The following FRYL variants were observed in gnomAD, a reference collection of about 807,000 sequenced individuals.
FRYL encodes the protein protein furry homolog-like.
Under a neutral mutation model 351.2 loss-of-function variants are expected in FRYL, and 150 were observed. The ratio of observed to expected loss-of-function variants is 0.43; its 90% CI spans 0.37 to 0.49. The LOEUF (loss-of-function observed/expected upper bound fraction) is 0.49. Among genes scored for constraint, FRYL ranks in the 20% least tolerant of loss-of-function variants. The pLI, the probability that FRYL is intolerant of heterozygous loss-of-function variation, is 0.00. For synonymous variants in FRYL, 1,153 were observed against 1,257.1 expected, an observed-to-expected ratio of 0.92 and a Z score of 1.75; for missense variants, 3,036 against 3,619.3, an observed-to-expected ratio of 0.84 and a Z score of 4.13.
intron 3 of FRYL, among the ~76,000 whole-genome samples, chr4:48,648,965 T>C (rs1325512779): frequency 2.0e-5 from 3 of 152,228 alleles, no homozygotes; most frequent in East Asian, 1.9e-4. Flanking sequence ...TTTTATAGTA[T>C]GTGAATCTCA....
rs998081651 is a variant in FRYL, at chr4:48,561,747, G to A, written c.3697-111C>T. Reference sequence around the variant, plus strand: ...CTCTTCTCCCCAGCTGAGTGGAGTGGCTTATGCCTGTAATCTCAATACTTT... The same window carrying A: ...CTCTTCTCCCCAGCTGAGTGGAGTGACTTATGCCTGTAATCTCAATACTTT... On this transcript the variant is annotated intron_variant, in intron 32 of 63. Coordinates refer to ENST00000358350, the MANE Select transcript of FRYL (RefSeq NM_015030.2). The A allele has an allele frequency of 1.1e-5, 8 of 756,876 alleles. No individual in the cohort carries two copies. The African/African-American group carries it at 1.1e-4, about 10-fold the overall frequency. The allele number at this position is 756,876 out of a possible 1,614,324, so 46.9% of individuals were successfully genotyped here.
intron 3 of FRYL, among the ~76,000 whole-genome samples, chr4:48,668,430 G>C (rs183577228): frequency 4.0e-5 from 6 of 151,624 alleles, no homozygotes; most frequent in Admixed American, 3.9e-4. Flanking sequence ...GACTGGTTTT[G>C]CCTAGGGAAC....
At chr4:48,728,486 C>T (rs1770333797) in intron 1 of FRYL, among the ~76,000 whole-genome samples, 1 of 151,650 alleles carries the variant, frequency 6.6e-6, no homozygotes, top group South Asian at 2.1e-4. Context: ...TGAGAATTTC[C>T]CCCAAATTAA....
chr4:48,575,169 T>C lies in FRYL; in HGVS notation c.2794A>G (p.Ile932Val), dbSNP rs770503368. The change falls in exon 25 of 64, where the codon ATC becomes GTC. Residue 932 changes from isoleucine (I) to valine (V), a missense_variant. By Grantham distance (29) the Ile-to-Val change is conservative (BLOSUM62 3). Around this residue, in one of 7 missense-constraint regions of FRYL, gnomAD observed 492 missense variants for 551.5 expected, o/e 0.89. Transcript: ENST00000358350. ...AGACCTAGAACAAGGGATTCTGTGATTTCCATGCTCTCAGAACGCATCATT... is the reference window on the plus strand; with the variant it reads ...AGACCTAGAACAAGGGATTCTGTGACTTCCATGCTCTCAGAACGCATCATT... ...VPMMRSESMEITESLVLGLGR... is the reference protein window; with the variant it reads ...VPMMRSESMEVTESLVLGLGR... 1.4e-5 allele frequency: 23 copies of C among 1,613,804 alleles called. No homozygotes were observed. The South Asian group carries it at 1.5e-4, about 11-fold the overall frequency.
chr4:48,652,782 T>C (rs1757987766), intron 3 of FRYL, among the ~76,000 whole-genome samples: 1 of 152,152 alleles, frequency 6.6e-6, no homozygotes, highest in South Asian at 2.1e-4. Flanking sequence ...CCTGGAAAAA[T>C]GTAAATTTAA....
chr4:48,666,750 T>G (rs1205317499), intron 3 of FRYL, among the ~76,000 whole-genome samples: 1 of 151,164 alleles, frequency 6.6e-6, no homozygotes, highest in East Asian at 2.1e-4. Flanking sequence ...CGTTTCATAG[T>G]TTTTTTTTAA....
intron 60 of FRYL, among the ~76,000 whole-genome samples, chr4:48,503,507 A>T (rs1179531253): frequency 6.6e-6 from 1 of 152,226 alleles, no homozygotes; most frequent in Non-Finnish European, 1.5e-5. Flanking sequence ...AACATAATGT[A>T]TGTAAAACAC....
chr4:48,667,823 T>G (rs1481407008), intron 3 of FRYL, among the ~76,000 whole-genome samples: 4 of 152,200 alleles, frequency 2.6e-5, no homozygotes, highest in Admixed American at 2.6e-4. Flanking sequence ...AATTTTTATA[T>G]TTTTAGTAGA....
chr4:48,755,380 T>C (rs1773668061), intron 1 of FRYL, among the ~76,000 whole-genome samples: 1 of 152,184 alleles, frequency 6.6e-6, no homozygotes, highest in African/African-American at 2.4e-5. Flanking sequence ...TTACAAAAAA[T>C]AGACAGTGAA....
intron 3 of FRYL, among the ~76,000 whole-genome samples, chr4:48,671,871 A>AAAAAAAT (rs1762789391): frequency 1.9e-5 from 1 of 52,556 alleles, no homozygotes; most frequent in African/African-American, 6.1e-5. Context: ...AAAAAAAAAA[A>AAAAAAAT]ACAAAAAAAA....
Position 48,720,210 on chromosome 4 carries a change from C to T in FRYL, c.-383-9512G>A, listed in dbSNP as rs577192045. Among the ~76,000 whole-genome samples, 79 of 141,694 alleles carry T rather than the reference C, an allele frequency of 5.6e-4. 1 individual carries two copies. Among genetic ancestry groups the T allele is most frequent in the Admixed American group, 1.7e-3 (23 of 13,634 alleles). The allele number at this position is 141,694 out of a possible 152,430, so 93.0% of individuals were successfully genotyped here. ...ACCATCTTAACCATTTTAAAATGTA[C>T]ATTAAGGCTGGGCATGGCGGCTCAT... On this transcript the variant is annotated intron_variant, in intron 1 of 63. Coordinates refer to ENST00000358350, the MANE Select transcript of FRYL (RefSeq NM_015030.2).
At chr4:48,725,048 C>T (rs1202077743) in intron 1 of FRYL, among the ~76,000 whole-genome samples, 1 of 152,152 alleles carries the variant, frequency 6.6e-6, no homozygotes, top group East Asian at 1.9e-4. Flanking sequence ...TTCCATTATC[C>T]CTCAAGATGA....
At chr4:48,501,541 A>C (rs1293367436) in intron 62 of FRYL, 82 bp downstream of exon 62, 7 of 787,448 alleles carry the variant, frequency 8.9e-6, no homozygotes, top group African/African-American at 8.8e-5. Flanking sequence ...CTTTTGACTT[A>C]AGCTATTTTA....
At chr4:48,532,633 G>A (rs981726311) in intron 49 of FRYL, among the ~76,000 whole-genome samples, 6 of 151,800 alleles carry the variant, frequency 4.0e-5, no homozygotes, top group African/African-American at 1.5e-4. Flanking sequence ...CTTCAGCCTG[G>A]GCAACAGAGA....
At chr4:48,548,062 T>G (rs1731773703) in intron 40 of FRYL, among the ~76,000 whole-genome samples, 1 of 152,170 alleles carries the variant, frequency 6.6e-6, no homozygotes, top group African/African-American at 2.4e-5. Flanking sequence ...ATGAATTTTT[T>G]TTTTTAAAGG....
chr4:48,553,102 T>G, intron 36 of FRYL, 113 bp downstream of exon 36: 1 of 693,982 alleles, frequency 1.4e-6, no homozygotes, highest in South Asian at 2.3e-5. Flanking sequence ...ATTGTATATA[T>G]CTGAGATTCA....
chr4:48,676,581 C>T (rs1325923025), intron 3 of FRYL, among the ~76,000 whole-genome samples: 2 of 147,044 alleles, frequency 1.4e-5, no homozygotes, highest in East Asian at 2.0e-4. Flanking sequence ...TTATTAGAGA[C>T]GGGGTTTCAC....
intron 3 of FRYL, among the ~76,000 whole-genome samples, chr4:48,652,808 A>T (rs776587): frequency 0.99 from 150,565 of 152,348 alleles, 74,422 homozygotes; most frequent in South Asian, 1. Flanking sequence ...GATATTTTAT[A>T]CATTAGTTTG....
At chr4:48,514,145 G>A (rs1329220432) in intron 56 of FRYL, among the ~76,000 whole-genome samples, 1 of 152,048 alleles carries the variant, frequency 6.6e-6, no homozygotes, top group Admixed American at 6.6e-5. Context: ...GTATAAAGGT[G>A]TAATTTTTAT....
Sources: allele counts gnomAD v4.1 joint callset (sites outside exome capture counted in the v4.1 genomes callset), GRCh38; gene constraint gnomAD v4.1.1; regional missense constraint gnomAD v4.1.1; transcripts MANE v1.5; gene names NCBI Gene and HGNC (gene_info 2026-07-23, HGNC 2026-07-21).